Variants in NRCAM observed in about 807,000 individuals in gnomAD.
The protein encoded by NRCAM is NgCAM-related cell adhesion molecule.
NRCAM carries 83 observed loss-of-function variants against 156.5 expected under a neutral mutation model. The observed-to-expected ratio is 0.53, with a 90% CI of 0.44 to 0.64. NRCAM has a LOEUF of 0.64. Ranked by LOEUF, NRCAM falls within the 30% of genes least tolerant of loss-of-function variation. The pLI is 0.00. For synonymous variants in NRCAM, 538 were observed against 563.9 expected, an observed-to-expected ratio of 0.95 and a Z score of 0.65; for missense variants, 1,417 against 1,597.3, an observed-to-expected ratio of 0.89 and a Z score of 1.92.
intron 1 of NRCAM, among the ~76,000 whole-genome samples, chr7:108,433,081 T>C (rs999380368): frequency 3.3e-5 from 5 of 152,180 alleles, no homozygotes; most frequent in Admixed American, 2.6e-4. Flanking sequence ...CTAATCATAC[T>C]TGGAGCAAGA....
intron 1 of NRCAM, among the ~76,000 whole-genome samples, chr7:108,446,110 G>A (rs192983001): frequency 1.3e-5 from 2 of 152,242 alleles, no homozygotes; most frequent in African/African-American, 4.8e-5. Flanking sequence ...GGAAAGCCAC[G>A]TGCAAATCTG....
Position 108,445,490 on chromosome 7 carries a change from T to C in NRCAM, c.-332+10753A>G, listed in dbSNP as rs115119810. On this transcript the variant is annotated intron_variant, in intron 1 of 32. Coordinates refer to ENST00000379028, the MANE Select transcript of NRCAM (RefSeq NM_001037132.4). ...GATACATACGTATGCCTCAAGCATG[T>C]TTTTGGTGCAAAAAATGTCAAGTGC... is the stretch of plus-strand genomic sequence containing the variant. 9.3e-4 allele frequency among the ~76,000 whole-genome samples: 141 copies of C among 152,278 alleles called. 2 individuals carry two copies. Among genetic ancestry groups the C allele is most frequent in the African/African-American group, 3.3e-3 (138 of 41,558 alleles).
chr7:108,198,140 C>A, intron 13 of NRCAM, 41 bp from the exon 14 acceptor site: 1 of 1,529,408 alleles, frequency 6.5e-7, no homozygotes. Context: ...TTCCTATTTG[C>A]TTAAAAGATG....
At chr7:108,209,741 A>G in intron 11 of NRCAM, 136 bp from the exon 12 acceptor site, 1 of 646,074 alleles carries the variant, frequency 1.5e-6, no homozygotes, top group Non-Finnish European at 2.6e-6. Flanking sequence ...TTTAATTAGC[A>G]CCACACTTTT....
intron 2 of NRCAM, among the ~76,000 whole-genome samples, chr7:108,325,673 C>G (rs2099060851): frequency 6.6e-6 from 1 of 151,056 alleles, no homozygotes; most frequent in African/African-American, 2.4e-5. Context: ...ATTGATTCAT[C>G]TTTTTTTTTA....
At chr7:108,152,304 G>C (rs1456695584) in intron 32 of NRCAM, among the ~76,000 whole-genome samples, 3 of 152,012 alleles carry the variant, frequency 2.0e-5, no homozygotes, top group East Asian at 3.9e-4. Context: ...TTAGCAAGGT[G>C]AATAGTTGGA....
chr7:108,309,023 T>C (rs576344667), intron 3 of NRCAM, among the ~76,000 whole-genome samples: 1 of 152,324 alleles, frequency 6.6e-6, no homozygotes, highest in African/African-American at 2.4e-5. Flanking sequence ...TCAGACTTCA[T>C]GTGGAAATGG....
At chr7:108,266,098 T>C (rs1429600465) in intron 3 of NRCAM, among the ~76,000 whole-genome samples, 1 of 152,236 alleles carries the variant, frequency 6.6e-6, no homozygotes, top group Non-Finnish European at 1.5e-5. Context: ...TGTTTTCAAA[T>C]ATTTTCTCAT....
intron 1 of NRCAM, among the ~76,000 whole-genome samples, chr7:108,415,385 C>A (rs1800303828): frequency 6.6e-6 from 1 of 152,178 alleles, no homozygotes; most frequent in South Asian, 2.1e-4. Context: ...CTCCTTCAAT[C>A]TGGTTTTTGT....
chr7:108,452,054 C>T (rs1272808483), intron 1 of NRCAM, among the ~76,000 whole-genome samples: 2 of 152,184 alleles, frequency 1.3e-5, no homozygotes, highest in Non-Finnish European at 2.9e-5. Context: ...GAAGGATTTA[C>T]AGTTGCTGAC....
intron 1 of NRCAM, among the ~76,000 whole-genome samples, chr7:108,435,642 G>T (rs949929079): frequency 6.6e-6 from 1 of 152,098 alleles, no homozygotes; most frequent in Non-Finnish European, 1.5e-5. Context: ...AAAGGAAAAT[G>T]GTTATTAGGC....
chr7:108,251,007 C>G (rs565307109), intron 3 of NRCAM, among the ~76,000 whole-genome samples: 2 of 152,212 alleles, frequency 1.3e-5, no homozygotes, highest in South Asian at 4.2e-4. Context: ...AAGTATCTAG[C>G]CTCCTAGAAG....
chr7:108,426,496 T>C (rs1817446807), intron 1 of NRCAM, among the ~76,000 whole-genome samples: 1 of 152,202 alleles, frequency 6.6e-6, no homozygotes, highest in Admixed American at 6.5e-5. Flanking sequence ...CTGCACCATT[T>C]TTCTTTCTCT....
At chr7:108,436,516 T>C (rs1341100028) in intron 1 of NRCAM, among the ~76,000 whole-genome samples, 2 of 152,244 alleles carry the variant, frequency 1.3e-5, no homozygotes, top group East Asian at 1.9e-4. Context: ...TTCTTGGGAA[T>C]AGATTCCAGA....
In NRCAM at chr7:108,244,329, GCCTCATC is replaced by G. The variant is rs2095757749; in HGVS notation, c.-106-4166_-106-4160del. Among the ~76,000 whole-genome samples, 4 of 152,240 alleles carry G rather than the reference GCCTCATC, an allele frequency of 2.6e-5. No homozygotes were observed. In the South Asian group the frequency reaches 6.2e-4, roughly 24 times the overall value. On this transcript the variant is annotated intron_variant, in intron 3 of 32. Transcript: ENST00000379028. ...TTGACACACTAACTATTGCTCTGAT[GCCTCATC>G]AGTGGCTCGCCTCAGTGACTGGATA...
At chr7:108,340,388 G>GT (rs112671610) in intron 2 of NRCAM, among the ~76,000 whole-genome samples, 43,549 of 152,062 alleles carry the variant, frequency 0.29, 6,327 homozygotes, top group Admixed American at 0.31. Flanking sequence ...CTATATTGAT[G>GT]TTTACAAGGG....
At chr7:108,225,555 G>A (rs2093300350) in intron 10 of NRCAM, 90 bp downstream of exon 10, 1 of 817,794 alleles carries the variant, frequency 1.2e-6, no homozygotes, top group Admixed American at 1.7e-5. Context: ...ATCTCATAAA[G>A]AAATAAGGTT....
intron 2 of NRCAM, among the ~76,000 whole-genome samples, chr7:108,361,780 C>G (rs56100765): frequency 4.0e-5 from 6 of 151,854 alleles, no homozygotes; most frequent in African/African-American, 1.5e-4. Flanking sequence ...TGTAAATGTA[C>G]GTATATATGT....
At chr7:108,213,284 C>T (rs2085770841) in intron 11 of NRCAM, among the ~76,000 whole-genome samples, 1 of 152,120 alleles carries the variant, frequency 6.6e-6, no homozygotes, top group Admixed American at 6.5e-5. Context: ...CACATCAAAA[C>T]AGAACCTCTT....
Sources: allele counts gnomAD v4.1 joint callset (sites outside exome capture counted in the v4.1 genomes callset), GRCh38; gene constraint gnomAD v4.1.1; transcripts MANE v1.5; gene names NCBI Gene and HGNC (gene_info 2026-07-23, HGNC 2026-07-21).